The following LPCAT1 variants were observed in gnomAD, a reference collection of about 807,000 sequenced individuals.
The protein encoded by LPCAT1 is lysophosphatidylcholine acyltransferase 1.
Under a neutral mutation model 60.9 loss-of-function variants are expected in LPCAT1, and 23 were observed. The observed-to-expected ratio is 0.38, with a 90% CI of 0.27 to 0.53. The LOEUF (loss-of-function observed/expected upper bound fraction) is 0.53. LPCAT1 is among the 20% of genes least tolerant of loss of function. LPCAT1 has a pLI of 0.82. For missense variants in LPCAT1, 622 were observed against 723.6 expected, an observed-to-expected ratio of 0.86 and a Z score of 1.61; for synonymous variants, 340 against 301.1, an observed-to-expected ratio of 1.13 and a Z score of -1.34.
chr5:1,478,215 T>G (rs945771897), intron 8 of LPCAT1, among the ~76,000 whole-genome samples: 1 of 152,280 alleles, frequency 6.6e-6, no homozygotes, highest in East Asian at 1.9e-4. Context: ...TAAATGAATA[T>G]GACCCACATT....
chr5:1,499,706 G>C (rs929896897), intron 2 of LPCAT1, among the ~76,000 whole-genome samples: 1 of 152,052 alleles, frequency 6.6e-6, no homozygotes, highest in African/African-American at 2.4e-5. Flanking sequence ...GCAGGGCCCA[G>C]AGTGAGGGAC....
intron 12 of LPCAT1, among the ~76,000 whole-genome samples, chr5:1,469,431 G>T (rs1005557405): frequency 6.6e-6 from 1 of 152,196 alleles, no homozygotes; most frequent in Non-Finnish European, 1.5e-5. Flanking sequence ...CACCCCCACC[G>T]CTGCTGTCAT....
chr5:1,508,919 A>G (rs886969820), intron 1 of LPCAT1, among the ~76,000 whole-genome samples: 5 of 152,260 alleles, frequency 3.3e-5, no homozygotes, highest in Non-Finnish European at 7.3e-5. Flanking sequence ...GCGTTTCACA[A>G]TCAGTGCTGA....
intron 11 of LPCAT1, among the ~76,000 whole-genome samples, chr5:1,472,801 C>T (rs1326096251): frequency 6.6e-6 from 1 of 151,954 alleles, no homozygotes; most frequent in African/African-American, 2.4e-5. Context: ...GCTGGGGGCC[C>T]CTTACGGACA....
At chr5:1,492,614 C>T (rs577205391) in intron 3 of LPCAT1, among the ~76,000 whole-genome samples, 6 of 152,212 alleles carry the variant, frequency 3.9e-5, no homozygotes, top group Admixed American at 3.3e-4. Flanking sequence ...CAGGGCTCCA[C>T]GAGGGCCCTG....
chr5:1,504,880 AGCCTCT>A (rs2126597975), intron 1 of LPCAT1, among the ~76,000 whole-genome samples: 1 of 152,388 alleles, frequency 6.6e-6, no homozygotes, highest in African/African-American at 2.4e-5. Flanking sequence ...GGGCCACGGC[AGCCTCT>A]GCCCACAGCC....
chr5:1,506,069 G>A (rs1270012080), intron 1 of LPCAT1, among the ~76,000 whole-genome samples: 2 of 152,252 alleles, frequency 1.3e-5, no homozygotes, highest in Non-Finnish European at 2.9e-5. Context: ...AGTTGCAATC[G>A]CTGATCCTCG....
Position 1,464,398 on chromosome 5 carries a change from G to A in LPCAT1, c.1421-563C>T, listed in dbSNP as rs374406647. Among the ~76,000 whole-genome samples the A allele has an allele frequency of 4.6e-5, 7 of 152,180 alleles. No individual in the cohort carries two copies. The East Asian group carries it at 1.3e-3, about 29-fold the overall frequency. On this transcript the variant is annotated intron_variant, in intron 13 of 13. Coordinates refer to ENST00000283415, the MANE Select transcript of LPCAT1 (RefSeq NM_024830.5). ...TGCAGGGGGCTGGTCATGCTAGGCC[G>A]CTCCAGAAACACTCAGAACCTGGGC...
At chr5:1,473,569 A>C (rs1458643870) in intron 11 of LPCAT1, among the ~76,000 whole-genome samples, 1 of 152,222 alleles carries the variant, frequency 6.6e-6, no homozygotes, top group Non-Finnish European at 1.5e-5. Context: ...GGGAGCCTCT[A>C]AGCCGATCAT....
Position 1,479,334 on chromosome 5 carries a change from C to T in LPCAT1, c.816+287G>A, listed in dbSNP as rs1424585623. ...GAGGTCGAGGCTGCAGTGAGCCCATCGCTACACTCCAGCCTGGGCAACAGA... is the reference window on the plus strand; with the variant it reads ...GAGGTCGAGGCTGCAGTGAGCCCATTGCTACACTCCAGCCTGGGCAACAGA... On this transcript the variant is annotated intron_variant, in intron 8 of 13. Coordinates refer to ENST00000283415, the MANE Select transcript of LPCAT1 (RefSeq NM_024830.5). The T allele has an allele frequency of 9.1e-6, 4 of 438,434 alleles. No individual in the cohort carries two copies. The Admixed American group carries it at 1.1e-4, about 12-fold the overall frequency. The allele number at this position is 438,434 out of a possible 1,614,324, so 27.2% of individuals were successfully genotyped here. A position where few individuals can be genotyped will look rare whatever the true frequency, so the allele number is the denominator to read the frequency against.
intron 13 of LPCAT1, among the ~76,000 whole-genome samples, chr5:1,466,440 C>T (rs149400019): frequency 2.0e-4 from 30 of 152,284 alleles, no homozygotes; most frequent in Non-Finnish European, 4.1e-4. Context: ...GGGCTGGGTG[C>T]GGGTATCCCC....
In LPCAT1 at chr5:1,488,001, C is replaced by T. The variant is rs148774040; in HGVS notation, c.667+390G>A. ...TGGGGACCTGGGCATCTGAGGATGGCTCGCAGGGATTTGCACCTGGGATTC... is the reference window on the plus strand; with the variant it reads ...TGGGGACCTGGGCATCTGAGGATGGTTCGCAGGGATTTGCACCTGGGATTC... On this transcript the variant is annotated intron_variant, in intron 5 of 13. Transcript: ENST00000283415. 6.6e-5 allele frequency among the ~76,000 whole-genome samples: 10 copies of T among 152,268 alleles called. No homozygotes were observed. The South Asian group carries it at 8.3e-4, about 13-fold the overall frequency.
rs1288445773 is a variant in LPCAT1, at chr5:1,477,604, C to T, written c.817-118G>A. The T allele has an allele frequency of 9.7e-6, 7 of 722,966 alleles. No individual in the cohort carries two copies. Among genetic ancestry groups the T allele is most frequent in the South Asian group, 1.7e-5 (1 of 58,300 alleles). 44.8% of individuals were successfully genotyped at this position (722,966 alleles called of 1,614,324 possible). A position where few individuals can be genotyped will look rare whatever the true frequency, so the allele number is the denominator to read the frequency against. ...CTGTCAAAGTAACGCCCATTAGAAC[C>T]GTCTTCAAAGTTGTCATGTGCACGT... On this transcript the variant is annotated intron_variant, in intron 8 of 13. Transcript: ENST00000283415. This position sits in a 1 kb window ranked among gnomAD's most constrained non-coding sequence, Gnocchi z 6.0.
chr5:1,506,110 AG>A (rs1212196440), intron 1 of LPCAT1, among the ~76,000 whole-genome samples: 1 of 152,126 alleles, frequency 6.6e-6, no homozygotes, highest in African/African-American at 2.4e-5. Context: ...GAGGGTGGAG[AG>A]GGAACATGGC....
chr5:1,506,506 C>T (rs116821628), intron 1 of LPCAT1, among the ~76,000 whole-genome samples: 126 of 152,362 alleles, frequency 8.3e-4, no homozygotes, highest in African/African-American at 2.9e-3. Context: ...TGCCCCCACG[C>T]CCTGGTGCAG....
intron 2 of LPCAT1, 80 bp from the exon 3 acceptor site, chr5:1,494,994 G>A (rs905057745): frequency 5.2e-6 from 7 of 1,350,552 alleles, no homozygotes; most frequent in Middle Eastern, 2.6e-4. Flanking sequence ...CGGTCCCACG[G>A]GAGAGCCCTC....
intron 1 of LPCAT1, among the ~76,000 whole-genome samples, chr5:1,505,033 G>A (rs1382510424): frequency 1.3e-5 from 2 of 149,666 alleles, no homozygotes; most frequent in Admixed American, 6.6e-5. Context: ...ACAGGGTGTG[G>A]AATAAAATCA....
In LPCAT1 at chr5:1,520,556, A is replaced by C. The variant is rs528880821; in HGVS notation, c.135+3154T>G. Among the ~76,000 whole-genome samples the C allele has an allele frequency of 3.3e-5, 5 of 152,282 alleles. No individual in the cohort carries two copies. In the South Asian group the frequency reaches 1.0e-3, roughly 32 times the overall value. Reference sequence around the variant, plus strand: ...TGCCAACTCTGGTTCCGAGCAGCAGAGACTTTAGAAATGGGGAAAATGGGC... The same window carrying C: ...TGCCAACTCTGGTTCCGAGCAGCAGCGACTTTAGAAATGGGGAAAATGGGC... On this transcript the variant is annotated intron_variant, in intron 1 of 13. Transcript: ENST00000283415.
intron 12 of LPCAT1, among the ~76,000 whole-genome samples, chr5:1,467,864 T>C (rs929846814): frequency 6.6e-6 from 1 of 151,920 alleles, no homozygotes; most frequent in Admixed American, 6.6e-5. Context: ...GGCTGCACCA[T>C]CCCCCGCCGC....
Sources: allele counts gnomAD v4.1 joint callset (sites outside exome capture counted in the v4.1 genomes callset), GRCh38; gene constraint gnomAD v4.1.1; non-coding constraint Gnocchi (gnomAD v3.1); transcripts MANE v1.5; gene names NCBI Gene and HGNC (gene_info 2026-07-23, HGNC 2026-07-21).